Variants in NRCAM observed in about 807,000 individuals in gnomAD.
NRCAM encodes the protein NgCAM-related cell adhesion molecule.
NRCAM carries 83 observed loss-of-function variants against 156.5 expected under a neutral mutation model. That is an observed-to-expected ratio of 0.53 (90% CI 0.44 to 0.64). The LOEUF (loss-of-function observed/expected upper bound fraction) is 0.64. Ranked by LOEUF, NRCAM falls within the 30% of genes least tolerant of loss-of-function variation. NRCAM has a pLI of 0.00. For synonymous variants in NRCAM, 538 were observed against 563.9 expected, an observed-to-expected ratio of 0.95 and a Z score of 0.65; for missense variants, 1,417 against 1,597.3, an observed-to-expected ratio of 0.89 and a Z score of 1.92.
intron 3 of NRCAM, among the ~76,000 whole-genome samples, chr7:108,267,431 C>T (rs12536606): frequency 0.22 from 33,566 of 152,146 alleles, 4,027 homozygotes; most frequent in Non-Finnish European, 0.27. Flanking sequence ...TTCTTGGGCA[C>T]TTGGCTTTGG....
At chr7:108,379,975 A>G (rs943425785) in intron 2 of NRCAM, among the ~76,000 whole-genome samples, 1 of 152,236 alleles carries the variant, frequency 6.6e-6, no homozygotes, top group Non-Finnish European at 1.5e-5. Context: ...AATTGATGAA[A>G]GACTTGAATT....
chr7:108,291,464 C>G (rs971877914), intron 3 of NRCAM, among the ~76,000 whole-genome samples: 1 of 152,100 alleles, frequency 6.6e-6, no homozygotes, highest in African/African-American at 2.4e-5. Flanking sequence ...TAGAAAAAGA[C>G]AAGTTGATTT....
chr7:108,423,470 C>T (rs116393228), intron 1 of NRCAM, among the ~76,000 whole-genome samples: 1 of 151,904 alleles, frequency 6.6e-6, no homozygotes, highest in Non-Finnish European at 1.5e-5. Context: ...GAGTGAATGA[C>T]GAGATAAAAA....
At chr7:108,243,834 T>A (rs2095708775) in intron 3 of NRCAM, among the ~76,000 whole-genome samples, 2 of 152,206 alleles carry the variant, frequency 1.3e-5, no homozygotes, top group Non-Finnish European at 2.9e-5. Flanking sequence ...CTATAGAACC[T>A]GTGAAACAGA....
intron 1 of NRCAM, among the ~76,000 whole-genome samples, chr7:108,409,637 G>A (rs1429062822): frequency 1.3e-5 from 2 of 152,204 alleles, no homozygotes; most frequent in African/African-American, 4.8e-5. Context: ...CATTTTGGGG[G>A]AGGAGGAGCA....
In NRCAM at chr7:108,215,126, C is replaced by A. The variant is rs1409134334; in HGVS notation, c.891-5521G>T. ...TCTATCAGGTCTGCTTGGTCCAGAGCTGAGTTCAAGTCCTAAATATCCCTG... is the reference window on the plus strand; with the variant it reads ...TCTATCAGGTCTGCTTGGTCCAGAGATGAGTTCAAGTCCTAAATATCCCTG... On this transcript the variant is annotated intron_variant, in intron 11 of 32. Transcript: ENST00000379028. Among the ~76,000 whole-genome samples the A allele has an allele frequency of 2.6e-5, 4 of 151,898 alleles. No individual in the cohort carries two copies. In the East Asian group the frequency reaches 7.7e-4, roughly 29 times the overall value.
At chr7:108,416,483 T>G (rs894662644) in intron 1 of NRCAM, among the ~76,000 whole-genome samples, 17 of 152,180 alleles carry the variant, frequency 1.1e-4, no homozygotes, top group Non-Finnish European at 2.4e-4. Context: ...GAGCTGTTTC[T>G]ATGGCAGCAG....
intron 3 of NRCAM, among the ~76,000 whole-genome samples, chr7:108,294,751 A>G: frequency 6.6e-6 from 1 of 152,136 alleles, no homozygotes; most frequent in Non-Finnish European, 1.5e-5. Context: ...GTCTGTTCTC[A>G]GTGGATCCAG....
chr7:108,206,695 A>AT (rs2081331968), intron 13 of NRCAM, among the ~76,000 whole-genome samples: 2 of 152,074 alleles, frequency 1.3e-5, no homozygotes, highest in African/African-American at 4.8e-5. Flanking sequence ...CCATTTAAAG[A>AT]TTTTTTCTTT....
In NRCAM at chr7:108,209,420, C is replaced by T; in HGVS notation, c.1075+1G>A. The T allele has an allele frequency of 6.3e-7, 1 of 1,580,916 alleles. No individual in the cohort carries two copies. Among genetic ancestry groups the T allele is most frequent in the Non-Finnish European group, 8.6e-7 (1 of 1,165,020 alleles). On this transcript the variant is annotated splice_donor_variant, in intron 12 of 32. Coordinates refer to ENST00000379028, the MANE Select transcript of NRCAM (RefSeq NM_001037132.4). LOFTEE classifies it high-confidence loss of function. ...AGAAGAATGGATTTTAAACAATATA[C>T]CTTTAACTCTAACAGAAATGGTATG...
At chr7:108,297,294 T>A (rs1397735769) in intron 3 of NRCAM, among the ~76,000 whole-genome samples, 1 of 152,222 alleles carries the variant, frequency 6.6e-6, no homozygotes, top group Non-Finnish European at 1.5e-5. Flanking sequence ...GAACATTTCT[T>A]TTGATTGTTT....
chr7:108,181,246 C>T (rs1403757361), intron 24 of NRCAM, among the ~76,000 whole-genome samples: 1 of 151,388 alleles, frequency 6.6e-6, no homozygotes, highest in Non-Finnish European at 1.5e-5. Flanking sequence ...CTCTAGGGGT[C>T]AGGCTTAACA....
chr7:108,295,461 C>T (rs2267881), intron 3 of NRCAM, among the ~76,000 whole-genome samples: 101,376 of 152,072 alleles, frequency 0.67, 34,185 homozygotes, highest in East Asian at 0.9. Context: ...AGACCTACTT[C>T]TTGGTTCACA....
chr7:108,286,734 T>C (rs2098116070), intron 3 of NRCAM, among the ~76,000 whole-genome samples: 1 of 152,172 alleles, frequency 6.6e-6, no homozygotes, highest in Admixed American at 6.6e-5. Context: ...TGGCTGTAGA[T>C]AGAAGAACCA....
intron 1 of NRCAM, among the ~76,000 whole-genome samples, chr7:108,418,007 C>T (rs1438852603): frequency 6.6e-6 from 1 of 152,056 alleles, no homozygotes; most frequent in Non-Finnish European, 1.5e-5. Context: ...TGGGATGCAC[C>T]CTGACTTCAG....
intron 3 of NRCAM, among the ~76,000 whole-genome samples, chr7:108,253,485 T>C (rs1214050586): frequency 6.6e-6 from 1 of 152,134 alleles, no homozygotes; most frequent in Non-Finnish European, 1.5e-5. Context: ...TTCTGGCAAG[T>C]GCCCAGAAGG....
At chr7:108,363,528 G>A (rs2099572734) in intron 2 of NRCAM, among the ~76,000 whole-genome samples, 1 of 152,146 alleles carries the variant, frequency 6.6e-6, no homozygotes. Context: ...GATTATAGGT[G>A]TGAGCCACTG....
At chr7:108,350,366 T>C (rs1279373855) in intron 2 of NRCAM, among the ~76,000 whole-genome samples, 1 of 152,198 alleles carries the variant, frequency 6.6e-6, no homozygotes, top group African/African-American at 2.4e-5. Flanking sequence ...CTGTGACTCT[T>C]TACTCATCAG....
At chr7:108,433,365 G>A (rs979501839) in intron 1 of NRCAM, among the ~76,000 whole-genome samples, 1 of 152,116 alleles carries the variant, frequency 6.6e-6, no homozygotes, top group African/African-American at 2.4e-5. Flanking sequence ...GGGAATCCCA[G>A]GGTCTCTAGT....
Sources: allele counts gnomAD v4.1 joint callset (sites outside exome capture counted in the v4.1 genomes callset), GRCh38; gene constraint gnomAD v4.1.1; transcripts MANE v1.5; gene names NCBI Gene and HGNC (gene_info 2026-07-23, HGNC 2026-07-21).